The following ICAM2 variants were observed in gnomAD, a reference collection of about 807,000 sequenced individuals.
ICAM2 encodes the protein ICAM-2.
A neutral mutation model predicts 19.1 loss-of-function variants in ICAM2; 14 were observed. The observed-to-expected ratio is 0.73, with a 90% CI of 0.48 to 1.15. ICAM2 has a LOEUF of 1.15. ICAM2 is among the 50% of genes most tolerant of loss of function. The pLI is 0.00. For synonymous variants in ICAM2, 153 were observed against 152.7 expected, an observed-to-expected ratio of 1.00 and a Z score of -0.01; for missense variants, 311 against 355.4, an observed-to-expected ratio of 0.88 and a Z score of 1.00.
rs567920713 is a variant in ICAM2 at position 64,004,018 on chromosome 17, G to A, written c.329-54C>T. The A allele has an allele frequency of 2.6e-5, 35 of 1,368,850 alleles. No individual in the cohort carries two copies. The East Asian group carries it at 8.0e-4, about 31-fold the overall frequency. 84.8% of individuals were successfully genotyped at this position (1,368,850 alleles called of 1,614,324 possible). ...TCAGGATGGGGGTGCAGTCCCAGCAGCCTCCCCCTGGCCAGGGCCATCTCC... is the reference window on the plus strand; with the variant it reads ...TCAGGATGGGGGTGCAGTCCCAGCAACCTCCCCCTGGCCAGGGCCATCTCC... On this transcript the variant is annotated intron_variant, in intron 3 of 4. Coordinates refer to ENST00000579788, the MANE Select transcript of ICAM2 (RefSeq NM_001099789.2).
intron 3 of ICAM2, chr17:64,004,559 CTG>C (rs1911072543): frequency 5.8e-6 from 1 of 171,662 alleles, no homozygotes; most frequent in Admixed American, 5.5e-5. Flanking sequence ...AGATGTTTTT[CTG>C]TTCATTGATC....
Position 64,014,718 on chromosome 17 carries a change from G to GA in ICAM2, c.-45+5804dup, listed in dbSNP as rs1567849818. Among the ~76,000 whole-genome samples, 13 of 9,634 alleles carry GA rather than the reference G, an allele frequency of 1.3e-3. 1 individual carries two copies. Among genetic ancestry groups the GA allele is most frequent in the African/African-American group, 1.9e-3 (13 of 6,848 alleles). 6.3% of individuals were successfully genotyped at this position (9,634 alleles called of 152,430 possible). A position where few individuals can be genotyped will look rare whatever the true frequency, so the allele number is the denominator to read the frequency against. ...GGAAGGAAGGAAGGAAGGAAGGAAGGAAGGAAGAAAGAAAGAAAGAAAGAA... is the reference window on the plus strand; with the variant it reads ...GGAAGGAAGGAAGGAAGGAAGGAAGGAAAGGAAGAAAGAAAGAAAGAAAGAA... On this transcript the variant is annotated intron_variant, in intron 1 of 4. Transcript: ENST00000579788.
rs1366631203 is a variant in ICAM2 at position 64,003,984 on chromosome 17, G to A, written c.329-20C>T. The A allele has an allele frequency of 1.3e-6, 2 of 1,582,042 alleles. No homozygotes were observed. The highest frequency in any genetic ancestry group is 1.8e-5 in the Admixed American group (1 of 56,158). On this transcript the variant is annotated intron_variant, in intron 3 of 4. Coordinates refer to ENST00000579788, the MANE Select transcript of ICAM2 (RefSeq NM_001099789.2). ...GAGGCTCTGCAGGGGACAAAGGAGG[G>A]AGGTCTGGTCAGGATGGGGGTGCAG...
chr17:64,006,436 G>T, intron 2 of ICAM2, 195 bp downstream of exon 2: 1 of 576,960 alleles, frequency 1.7e-6, no homozygotes, highest in Non-Finnish European at 3.1e-6. Context: ...CCAGGGAGGT[G>T]CAGTGAGCCA....
At chr17:64,005,897 A>G (rs911059775) in intron 2 of ICAM2, 17 of 161,766 alleles carry the variant, frequency 1.1e-4, no homozygotes, top group Non-Finnish European at 2.7e-5. Context: ...TCCAGTAAAC[A>G]GTGACAGGCA....
chr17:64,003,812 A>AGGTCTCATAGTGCAG lies in ICAM2; in HGVS notation c.466_480dup (p.Leu156_Thr160dup). The stretch of plus-strand genomic sequence containing the variant: ...TGCGGAGCAGGGGCTGCCTTCCCGA[A>AGGTCTCATAGTGCAG]GGTCTCATAGTGCAGAGTCTCATTG... On this transcript the variant is annotated inframe_insertion, in exon 4 of 5. Coordinates refer to ENST00000579788, the MANE Select transcript of ICAM2 (RefSeq NM_001099789.2). The AGGTCTCATAGTGCAG allele has an allele frequency of 2.5e-6, 4 of 1,614,228 alleles. No individual in the cohort carries two copies.
At chr17:64,013,182 T>G (rs1362056975) in intron 1 of ICAM2, among the ~76,000 whole-genome samples, 1 of 152,030 alleles carries the variant, frequency 6.6e-6, no homozygotes, top group Non-Finnish European at 1.5e-5. Context: ...CATGGTGGCG[T>G]GTGCCTGTGG....
rs906535065 is a variant in ICAM2, at chr17:64,006,751, G to T, written c.-44-16C>A. 19 of 1,502,276 alleles carry T rather than the reference G, an allele frequency of 1.3e-5. No individual in the cohort carries two copies. Among genetic ancestry groups the T allele is most frequent in the Non-Finnish European group, 1.8e-5 (19 of 1,080,056 alleles). The allele number at this position is 1,502,276 out of a possible 1,614,324, so 93.1% of individuals were successfully genotyped here. A position where few individuals can be genotyped will look rare whatever the true frequency, so the allele number is the denominator to read the frequency against. The stretch of plus-strand genomic sequence containing the variant: ...CAAGGGCTGCCTGGAGGGAGATGGT[G>T]GGCGCAGGTCTGAGCTATGGCCCAG... On this transcript the variant is annotated splice_polypyrimidine_tract_variant and intron_variant, in intron 1 of 4. Coordinates refer to ENST00000579788, the MANE Select transcript of ICAM2 (RefSeq NM_001099789.2).
intron 1 of ICAM2, among the ~76,000 whole-genome samples, chr17:64,013,306 T>C (rs1337095345): frequency 6.6e-6 from 1 of 152,078 alleles, no homozygotes; most frequent in Non-Finnish European, 1.5e-5. Context: ...AGTCTCACTC[T>C]GTCTCAAGAA....
chr17:64,018,132 G>T (rs1483062692), intron 1 of ICAM2, among the ~76,000 whole-genome samples: 3 of 151,958 alleles, frequency 2.0e-5, no homozygotes, highest in African/African-American at 4.8e-5. Context: ...AGAAGATCGA[G>T]ACCATCCTGG....
intron 1 of ICAM2, among the ~76,000 whole-genome samples, chr17:64,007,213 G>T (rs1911254533): frequency 6.6e-6 from 1 of 152,120 alleles, no homozygotes. Flanking sequence ...AATGCCTGGT[G>T]CAATTCTGCA....
At chr17:64,006,421 C>A (rs144334885) in intron 2 of ICAM2, 2 of 536,094 alleles carry the variant, frequency 3.7e-6, no homozygotes, top group Non-Finnish European at 6.7e-6. Flanking sequence ...GAGGATCACC[C>A]GAGCCCAGGG....
In ICAM2 at chr17:64,003,898, A is replaced by G. The variant is rs370443111; in HGVS notation, c.395T>C (p.Ile132Thr). 269 of 1,614,048 alleles carry G rather than the reference A, an allele frequency of 1.7e-4. No homozygotes were observed. Among genetic ancestry groups the G allele is most frequent in the Non-Finnish European group, 2.2e-4 (256 of 1,180,016 alleles). The part of the protein sequence containing the change: ...TLVAVGKSFT[I>T]ECRVPTVEPL... ...CTCCACGGTGGGCACCCTGCACTCA[A>G]TGGTGAAGGACTTGCCCACAGCCAC... Residue 132 changes from isoleucine to threonine, a missense_variant, in exon 4 of 5, where the codon ATT (isoleucine) becomes ACT (threonine). By Grantham distance (89) the Ile-to-Thr change is moderately conservative. Coordinates refer to ENST00000579788, the MANE Select transcript of ICAM2 (RefSeq NM_001099789.2).
At chr17:64,013,096 T>C (rs905107834) in intron 1 of ICAM2, among the ~76,000 whole-genome samples, 2 of 152,174 alleles carry the variant, frequency 1.3e-5, no homozygotes, top group East Asian at 1.9e-4. Context: ...GTGGATTACC[T>C]GAGGTCAGGA....
At chr17:64,019,198 C>A (rs942568143) in intron 1 of ICAM2, among the ~76,000 whole-genome samples, 1 of 152,024 alleles carries the variant, frequency 6.6e-6, no homozygotes, top group Non-Finnish European at 1.5e-5. Flanking sequence ...CACACAGTAA[C>A]GCTATATAAC....
intron 1 of ICAM2, among the ~76,000 whole-genome samples, chr17:64,009,874 C>T (rs1038528322): frequency 5.3e-5 from 8 of 152,190 alleles, no homozygotes; most frequent in African/African-American, 1.9e-4. Context: ...TGAAAGTACT[C>T]ATGCAGGCTG....
intron 1 of ICAM2, among the ~76,000 whole-genome samples, chr17:64,017,853 A>T (rs910968988): frequency 2.6e-5 from 4 of 152,216 alleles, no homozygotes; most frequent in Non-Finnish European, 4.4e-5. Flanking sequence ...GGATCAATTG[A>T]TTAACCATAT....
At chr17:64,018,030 A>G (rs1911781472) in intron 1 of ICAM2, among the ~76,000 whole-genome samples, 1 of 152,294 alleles carries the variant, frequency 6.6e-6, no homozygotes, top group African/African-American at 2.4e-5. Context: ...AAAATCAACA[A>G]TTGGTATCTT....
At chr17:64,011,155 A>G (rs1369829250) in intron 1 of ICAM2, among the ~76,000 whole-genome samples, 4 of 152,200 alleles carry the variant, frequency 2.6e-5, no homozygotes, top group Non-Finnish European at 5.9e-5. Flanking sequence ...CTGAGCAGAC[A>G]TTTCTCAAAA....
Sources: allele counts gnomAD v4.1 joint callset (sites outside exome capture counted in the v4.1 genomes callset), GRCh38; gene constraint gnomAD v4.1.1; transcripts MANE v1.5; gene names NCBI Gene and HGNC (gene_info 2026-07-23, HGNC 2026-07-21).